TBC1D1: variants seen among roughly 807,000 people sequenced by gnomAD.
TBC1D1 encodes the protein TBC1 domain family member 1, also known as TBC1 (tre-2/USP6, BUB2, cdc16) domain family, member 1.
In TBC1D1, 89 loss-of-function variants were observed where a neutral mutation model predicts 125.6. That is an observed-to-expected ratio of 0.71 (90% CI 0.60 to 0.85). The LOEUF (loss-of-function observed/expected upper bound fraction) is 0.85. Ranked by LOEUF, TBC1D1 falls within the 40% of genes least tolerant of loss-of-function variation. The probability of loss-of-function intolerance (pLI) is 0.00; values close to 1 mark genes in which losing one functional copy is unlikely to be tolerated. For missense variants in TBC1D1, 1,377 were observed against 1,469.2 expected (o/e 0.94, Z 1.03); for synonymous variants, 565 against 564.1 (o/e 1.00, Z -0.02).
At chr4:38,052,334 TG>T (rs1750751982) in intron 11 of TBC1D1, among the ~76,000 whole-genome samples, 1 of 139,880 alleles carries the variant, frequency 7.1e-6, no homozygotes, top group Non-Finnish European at 1.5e-5. Context: ...TGTTTGTGTT[TG>T]TTTTTTTTTT....
At chr4:37,909,048 A>C (rs1717972056) in intron 2 of TBC1D1, among the ~76,000 whole-genome samples, 1 of 152,180 alleles carries the variant, frequency 6.6e-6, no homozygotes, top group Non-Finnish European at 1.5e-5. Flanking sequence ...ACTAATTTTA[A>C]GACTACTTGA....
At chr4:38,084,863 C>T (rs1757202638) in intron 12 of TBC1D1, among the ~76,000 whole-genome samples, 1 of 152,118 alleles carries the variant, frequency 6.6e-6, no homozygotes, top group South Asian at 2.1e-4. Context: ...TTCTAGAGCT[C>T]CTCTTTCTTA....
chr4:38,054,373 A>C, intron 12 of TBC1D1, 35 bp downstream of exon 14: 1 of 1,612,254 alleles, frequency 6.2e-7, no homozygotes, highest in Non-Finnish European at 8.5e-7. Flanking sequence ...CCTCAAAGAG[A>C]GCACGCTGAC....
At chr4:38,132,777 ATTT>A (rs915978963) in intron 18 of TBC1D1, 1 of 198,882 alleles carries the variant, frequency 5.0e-6, no homozygotes, top group Non-Finnish European at 1.1e-5. Context: ...CTAAAAATAA[ATTT>A]TTATGTCTTT....
intron 1 of TBC1D1, among the ~76,000 whole-genome samples, chr4:37,900,246 C>A (rs2152220780): frequency 6.6e-6 from 1 of 152,070 alleles, no homozygotes; most frequent in East Asian, 1.9e-4. Context: ...AGGACCTCGG[C>A]AACTTTAACA....
chr4:37,985,101 C>T (rs939538165), intron 2 of TBC1D1, among the ~76,000 whole-genome samples: 6 of 151,778 alleles, frequency 4.0e-5, no homozygotes, highest in Non-Finnish European at 7.4e-5. Context: ...TACAGGCACG[C>T]GCCACCATGC....
Position 38,049,888 on chromosome 4 carries a change from C to T in TBC1D1, c.1900C>T (p.His634Tyr), listed in dbSNP as rs1750171997. 3 of 1,607,348 alleles carry T rather than the reference C, an allele frequency of 1.9e-6. No individual in the cohort carries two copies. The highest frequency in any genetic ancestry group is 2.5e-6 in the Non-Finnish European group (3 of 1,176,644). The change falls in exon 11 of 20, where the codon CAT becomes TAT. Residue 634 changes from histidine (H) to tyrosine (Y), a missense_variant. By Grantham distance (83) the His-to-Tyr change is moderately conservative. Coordinates refer to ENST00000261439, the MANE Select transcript of TBC1D1 (RefSeq NM_015173.4). ...TCACTCAGTGAGCACAGAGACGCCT[C>T]ATGAACGAAAGTAAGATTTGTTTAA...
chr4:38,012,065 A>G (rs1741623958), intron 2 of TBC1D1, among the ~76,000 whole-genome samples: 1 of 152,248 alleles, frequency 6.6e-6, no homozygotes, highest in South Asian at 2.1e-4. Context: ...TAAGCCTCAG[A>G]GGACTGAATA....
intron 10 of TBC1D1, among the ~76,000 whole-genome samples, chr4:38,047,413 C>G (rs1176818680): frequency 6.6e-6 from 1 of 152,132 alleles, no homozygotes; most frequent in Non-Finnish European, 1.5e-5. Context: ...CAGACCGCCT[C>G]TGGGGAGTGA....
In TBC1D1 at chr4:38,100,891, A is replaced by G. The variant is rs116917008; in HGVS notation, c.2399-2108A>G. 1.9e-3 allele frequency among the ~76,000 whole-genome samples: 290 copies of G among 152,256 alleles called. 7 individuals are homozygous for G. In the East Asian group the frequency reaches 0.048, roughly 25 times the overall value. ...TAGGAACACAAAATATTTTTTCTCT[A>G]GTCCCCATTTGAGTAGCAGCCTTGT... On this transcript the variant is annotated intron_variant, in intron 14 of 19. Transcript: ENST00000261439.
intron 2 of TBC1D1, among the ~76,000 whole-genome samples, chr4:37,903,526 T>A (rs911087558): frequency 6.6e-6 from 1 of 152,178 alleles, no homozygotes; most frequent in African/African-American, 2.4e-5. Flanking sequence ...ACCTGTTAAC[T>A]GTCAGTGAAG....
At chr4:37,904,362 T>A (rs531700320) in intron 2 of TBC1D1, among the ~76,000 whole-genome samples, 2 of 152,256 alleles carry the variant, frequency 1.3e-5, no homozygotes, top group Non-Finnish European at 2.9e-5. Flanking sequence ...TATAACTTAA[T>A]GGCTCCTATT....
chr4:38,096,385 A>G (rs964044672), intron 14 of TBC1D1, among the ~76,000 whole-genome samples: 1 of 152,248 alleles, frequency 6.6e-6, no homozygotes, highest in Admixed American at 6.5e-5. Flanking sequence ...ATTAAATTAT[A>G]AACTAGAAAC....
At chr4:38,035,173 C>T (rs1327618347) in intron 7 of TBC1D1, among the ~76,000 whole-genome samples, 7 of 152,326 alleles carry the variant, frequency 4.6e-5, no homozygotes, top group Non-Finnish European at 1.0e-4. Context: ...ACACATTCGA[C>T]ATAGGAAATT....
intron 11 of TBC1D1, 69 bp downstream of exon 11, chr4:38,049,967 C>T (rs1750193595): frequency 1.3e-6 from 2 of 1,495,584 alleles, no homozygotes; most frequent in Non-Finnish European, 1.8e-6. Flanking sequence ...TATGTGCATC[C>T]CAGGTATGTT....
intron 10 of TBC1D1, 38 bp downstream of exon 10, chr4:38,045,941 C>T (rs751810772): frequency 1.9e-6 from 3 of 1,556,310 alleles, no homozygotes; most frequent in East Asian, 2.2e-5. Context: ...CCTGAAGAAA[C>T]CAACAAATAG....
chr4:37,937,199 T>C (rs1346230605), intron 2 of TBC1D1, among the ~76,000 whole-genome samples: 1 of 152,170 alleles, frequency 6.6e-6, no homozygotes, highest in Admixed American at 6.5e-5. Flanking sequence ...CCTTCGAGAC[T>C]GAGAGTCCCA....
At chr4:38,010,652 G>C (rs1231696715) in intron 2 of TBC1D1, among the ~76,000 whole-genome samples, 2 of 152,214 alleles carry the variant, frequency 1.3e-5, no homozygotes, top group African/African-American at 4.8e-5. Flanking sequence ...CCAGAGCCCT[G>C]GGTACCACGC....
chr4:38,133,577 A>C (rs1765971880), intron 19 of TBC1D1, among the ~76,000 whole-genome samples: 2 of 152,228 alleles, frequency 1.3e-5, no homozygotes, highest in Non-Finnish European at 2.9e-5. Flanking sequence ...AGCCGTTGTC[A>C]TTACTCAAAG....
Sources: gnomAD v4.1 joint callset for allele counts (sites outside exome capture counted in the v4.1 genomes callset) on GRCh38, gnomAD v4.1.1 for gene constraint, MANE v1.5 for transcripts, NCBI Gene and HGNC (gene_info 2026-07-23, HGNC 2026-07-21) for gene names.